THRB: variants seen among roughly 807,000 people sequenced by gnomAD.
The protein encoded by THRB is nuclear receptor subfamily 1 group A member 2.
THRB carries 12 observed loss-of-function variants against 47.8 expected under a neutral mutation model. The observed-to-expected ratio is 0.25, with a 90% confidence interval of 0.16 to 0.41. The LOEUF (loss-of-function observed/expected upper bound fraction) is 0.41, where lower values mean the gene tolerates loss of function less well. THRB is among the 10% of genes least tolerant of loss of function. The probability of loss-of-function intolerance (pLI) is 1.00; values close to 1 mark genes in which losing one functional copy is unlikely to be tolerated. For synonymous variants in THRB, 218 were observed against 212.2 expected (o/e 1.03, Z -0.24); for missense variants, 348 against 589.2 (o/e 0.59, Z 4.24).
intron 5 of THRB, among the ~76,000 whole-genome samples, chr3:24,169,245 G>A (rs1194561276): frequency 5.3e-5 from 8 of 152,152 alleles, no homozygotes; most frequent in Admixed American, 5.2e-4. Context: ...CCAACGAGAT[G>A]TAATAGAAGA....
At chr3:24,319,493 A>C (rs1006710524) in intron 2 of THRB, among the ~76,000 whole-genome samples, 4 of 152,238 alleles carry the variant, frequency 2.6e-5, no homozygotes, top group South Asian at 2.1e-4. Context: ...TGTAATATGT[A>C]AAAGAAGTTC....
chr3:24,170,864 A>G (rs1226652088), intron 5 of THRB, among the ~76,000 whole-genome samples: 1 of 152,200 alleles, frequency 6.6e-6, no homozygotes, highest in Non-Finnish European at 1.5e-5. Flanking sequence ...GCATTTAAAA[A>G]AAAAAAAGAT....
intron 1 of THRB, chr3:24,430,637 A>C (rs1264500207): frequency 1.3e-5 from 2 of 152,110 alleles, no homozygotes; most frequent in Admixed American, 6.6e-5. Context: ...AAAAGAAAGA[A>C]AGAAAATATA....
intron 2 of THRB, among the ~76,000 whole-genome samples, chr3:24,333,756 G>C (rs969723250): frequency 6.6e-6 from 1 of 152,210 alleles, no homozygotes; most frequent in Non-Finnish European, 1.5e-5. Flanking sequence ...ATGTGGATCT[G>C]TGTTGTGAGT....
rs367561377 is a variant in THRB at position 24,140,888 on chromosome 3, G to A, written c.738+2613C>T. On this transcript the variant is annotated intron_variant, in intron 8 of 10. Coordinates refer to ENST00000646209, the MANE Select transcript of THRB (RefSeq NM_001354712.2). ...ACACATAGCATAGATACTCAAGTGT[G>A]GAGGCTGAATGGAACATTGTTCTCC... Among the ~76,000 whole-genome samples, 6 of 152,316 alleles carry A rather than the reference G, an allele frequency of 3.9e-5. No homozygotes were observed. The South Asian group carries it at 1.0e-3, about 26-fold the overall frequency.
intron 2 of THRB, among the ~76,000 whole-genome samples, chr3:24,326,472 G>A (rs1437324146): frequency 6.6e-6 from 1 of 152,062 alleles, no homozygotes; most frequent in East Asian, 1.9e-4. Flanking sequence ...CTGACCTCAG[G>A]TGATCCACCT....
chr3:24,437,035 C>T (rs186472072), intron 1 of THRB, among the ~76,000 whole-genome samples: 14 of 151,198 alleles, frequency 9.3e-5, no homozygotes, highest in Non-Finnish European at 1.9e-4. Context: ...GGACCTGGCA[C>T]TTTTCTCCAT....
intron 1 of THRB, among the ~76,000 whole-genome samples, chr3:24,398,055 A>G (rs183398685): frequency 2.4e-4 from 36 of 152,286 alleles, no homozygotes; most frequent in African/African-American, 8.7e-4. Flanking sequence ...ATCTTATACT[A>G]TAACTGCTTA....
At chr3:24,225,685 T>C (rs761065435) in intron 4 of THRB, among the ~76,000 whole-genome samples, 1 of 152,250 alleles carries the variant, frequency 6.6e-6, no homozygotes, top group Non-Finnish European at 1.5e-5. Context: ...AATTTCCCTA[T>C]GCTGAGGATC....
chr3:24,481,786 G>A (rs1696463714), intron 1 of THRB, among the ~76,000 whole-genome samples: 2 of 151,348 alleles, frequency 1.3e-5, no homozygotes, highest in Non-Finnish European at 2.9e-5. Flanking sequence ...AAACATAAGT[G>A]GGGGAAAATA....
intron 10 of THRB, among the ~76,000 whole-genome samples, chr3:24,124,683 C>T (rs1037955121): frequency 6.6e-6 from 1 of 152,230 alleles, no homozygotes; most frequent in African/African-American, 2.4e-5. Flanking sequence ...CATTTTTTCT[C>T]TTTGCACTGT....
chr3:24,220,777 G>C lies in THRB; in HGVS notation c.22+8161C>G, dbSNP rs982999825. On this transcript the variant is annotated intron_variant, in intron 4 of 10. Transcript: ENST00000646209. ...GGAAATGCAGCATGAAAAAGACAAAGAACTTCAGTCAAGGTTAAACAAAAG... is the reference window on the plus strand; with the variant it reads ...GGAAATGCAGCATGAAAAAGACAAACAACTTCAGTCAAGGTTAAACAAAAG... Among the ~76,000 whole-genome samples, 4 of 132,680 alleles carry C rather than the reference G, an allele frequency of 3.0e-5. No individual in the cohort carries two copies. The South Asian group carries it at 7.3e-4, about 24-fold the overall frequency. 87.0% of individuals were successfully genotyped at this position (132,680 alleles called of 152,430 possible).
At chr3:24,351,611 T>C (rs550291026) in intron 1 of THRB, among the ~76,000 whole-genome samples, 2 of 152,290 alleles carry the variant, frequency 1.3e-5, no homozygotes, top group African/African-American at 4.8e-5. Context: ...TTATAGTGTA[T>C]GCATCTTTAG....
At chr3:24,481,839 A>T (rs1433939133) in intron 1 of THRB, among the ~76,000 whole-genome samples, 1 of 81,360 alleles carries the variant, frequency 1.2e-5, no homozygotes, top group African/African-American at 6.2e-5. Context: ...ATGGACCATA[A>T]AAAAAAAAAA....
chr3:24,332,600 A>T lies in THRB; in HGVS notation c.-189+4700T>A, dbSNP rs2061994334. On this transcript the variant is annotated intron_variant, in intron 2 of 10. Transcript: ENST00000646209. ...CACTGTGACAGTGAATTCTTTAGGC[A>T]CTGCTCCTAACCATTTTACCCTAAG... is the stretch of plus-strand genomic sequence containing the variant. 2.0e-5 allele frequency among the ~76,000 whole-genome samples: 3 copies of T among 152,226 alleles called. No homozygotes were observed. In the South Asian group the frequency reaches 6.2e-4, roughly 32 times the overall value.
chr3:24,214,403 A>G (rs2046356559), intron 4 of THRB, among the ~76,000 whole-genome samples: 1 of 152,258 alleles, frequency 6.6e-6, no homozygotes. Flanking sequence ...CTTCCTGGAA[A>G]GCATGAAGCA....
chr3:24,140,293 G>T (rs1450613813), intron 8 of THRB, among the ~76,000 whole-genome samples: 3 of 152,158 alleles, frequency 2.0e-5, no homozygotes, highest in Admixed American at 2.0e-4. Flanking sequence ...GTTATTTATT[G>T]CTGTATAACA....
intron 3 of THRB, among the ~76,000 whole-genome samples, chr3:24,233,543 G>GAA (rs1349373786): frequency 1.4e-4 from 6 of 43,676 alleles, no homozygotes; most frequent in South Asian, 1.2e-3. Flanking sequence ...AAGAAAGAAA[G>GAA]AGAAAGAAAG....
At chr3:24,476,972 A>G (rs537061437) in intron 1 of THRB, among the ~76,000 whole-genome samples, 3 of 151,454 alleles carry the variant, frequency 2.0e-5, no homozygotes, top group Non-Finnish European at 4.4e-5. Flanking sequence ...ATATATAAAA[A>G]GAGACATTGG....
Sources: gnomAD v4.1 joint callset for allele counts (sites outside exome capture counted in the v4.1 genomes callset) on GRCh38, gnomAD v4.1.1 for gene constraint, MANE v1.5 for transcripts, NCBI Gene and HGNC (gene_info 2026-07-23, HGNC 2026-07-21) for gene names.